The following SYN3 variants were observed in gnomAD, a reference collection of about 807,000 sequenced individuals.
SYN3 encodes the protein synapsin-3.
Under a neutral mutation model 65.8 loss-of-function variants are expected in SYN3, and 35 were observed. That is an observed-to-expected ratio of 0.53 (90% CI 0.41 to 0.70). SYN3 has a LOEUF of 0.70. Among genes scored for constraint, SYN3 ranks in the 30% least tolerant of loss-of-function variants. The probability of loss-of-function intolerance (pLI) is 0.00; values close to 1 mark genes in which losing one functional copy is unlikely to be tolerated. For missense variants in SYN3, 680 were observed against 749.0 expected, an observed-to-expected ratio of 0.91 and a Z score of 1.08; for synonymous variants, 270 against 292.9, an observed-to-expected ratio of 0.92 and a Z score of 0.80.
At chr22:32,872,359 G>A (rs995512312) in intron 4 of SYN3, among the ~76,000 whole-genome samples, 3 of 152,150 alleles carry the variant, frequency 2.0e-5, no homozygotes, top group Admixed American at 6.5e-5. Context: ...CTTTCCCTGC[G>A]ATCCTAGAGA....
chr22:32,508,626 C>T lies in SYN3; in HGVS notation c.*5066G>A, dbSNP rs148103083. Among the ~76,000 whole-genome samples, 484 of 152,272 alleles carry T rather than the reference C, an allele frequency of 3.2e-3. 2 individuals carry two copies. Among genetic ancestry groups the T allele is most frequent in the African/African-American group, 0.01 (425 of 41,554 alleles). On this transcript the variant is annotated 3_prime_UTR_variant, in exon 14 of 14. Coordinates refer to ENST00000358763, the MANE Select transcript of SYN3 (RefSeq NM_003490.4). ...ATTGATCTTCTTCCGCTTCTTTTCTCTATCTCATTTTACTGGGTTTTGGTT... is the reference window on the plus strand; with the variant it reads ...ATTGATCTTCTTCCGCTTCTTTTCTTTATCTCATTTTACTGGGTTTTGGTT...
intron 5 of SYN3, among the ~76,000 whole-genome samples, chr22:32,868,218 T>C (rs1036504678): frequency 2.6e-5 from 4 of 152,106 alleles, no homozygotes; most frequent in African/African-American, 7.2e-5. Flanking sequence ...TAAAACAATA[T>C]GGTGCATCTT....
chr22:32,842,691 G>T lies in SYN3; in HGVS notation c.711+22224C>A, dbSNP rs536989520. Among the ~76,000 whole-genome samples the T allele has an allele frequency of 2.6e-5, 4 of 152,272 alleles. No homozygotes were observed. In the South Asian group the frequency reaches 8.3e-4, roughly 32 times the overall value. On this transcript the variant is annotated intron_variant, in intron 6 of 13. Transcript: ENST00000358763. ...ATTAACTTCAAACTTCCTGTGTTGG[G>T]AGAACCCTTAGGGAGCCTGTGGTTT...
intron 6 of SYN3, among the ~76,000 whole-genome samples, chr22:32,691,022 G>C (rs1188160740): frequency 6.6e-6 from 1 of 152,096 alleles, no homozygotes. Context: ...TGAAGAGAGA[G>C]CTTGGGGTGA....
intron 10 of SYN3, among the ~76,000 whole-genome samples, chr22:32,532,109 C>G (rs1189329314): frequency 6.6e-6 from 1 of 152,264 alleles, no homozygotes; most frequent in Non-Finnish European, 1.5e-5. Context: ...CAGGGCAGTC[C>G]GGGAGCTCTA....
intron 7 of SYN3, among the ~76,000 whole-genome samples, chr22:32,554,744 C>A (rs567065336): frequency 2.0e-5 from 3 of 152,194 alleles, no homozygotes; most frequent in African/African-American, 4.8e-5. Flanking sequence ...CTCCCTTGTC[C>A]GGTGTGCTCT....
intron 9 of SYN3, among the ~76,000 whole-genome samples, chr22:32,536,577 C>CA (rs1255887010): frequency 6.6e-6 from 1 of 152,228 alleles, no homozygotes. Context: ...CACAGCGTTG[C>CA]AGTGTCTTGG....
chr22:32,880,261 G>C (rs2049092785), intron 4 of SYN3, among the ~76,000 whole-genome samples: 1 of 152,198 alleles, frequency 6.6e-6, no homozygotes, highest in African/African-American at 2.4e-5. Context: ...ACTTCTCTTG[G>C]GCTGGGTTCC....
chr22:32,513,765 G>A lies in SYN3; in HGVS notation c.1670C>T (p.Pro557Leu). ...STSDTSQRGT[P>L]SEDEAKAETI... ...TTCAGCCTTGGCCTCGTCTTCACTT[G>A]GGGTCCCACGCTGGGAGGTGTCGGA... The change falls in exon 14 of 14, where the codon CCA (proline) becomes CTA (leucine). Residue 557 changes from proline (P) to leucine (L), a missense_variant. By Grantham distance (98) the Pro-to-Leu change is moderately conservative (BLOSUM62 -3). Transcript: ENST00000358763. The A allele has an allele frequency of 6.2e-7, 1 of 1,614,206 alleles. No individual in the cohort carries two copies. Among genetic ancestry groups the A allele is most frequent in the East Asian group, 2.2e-5 (1 of 44,876 alleles).
rs757788339 is a variant in SYN3 at position 33,026,932 on chromosome 22, C to T, written c.-162-20108G>A. Among the ~76,000 whole-genome samples the T allele has an allele frequency of 1.4e-4, 21 of 152,216 alleles. 1 individual carries two copies. Among genetic ancestry groups the T allele is most frequent in the South Asian group, 6.2e-4 (3 of 4,830 alleles). On this transcript the variant is annotated intron_variant, in intron 1 of 13. Transcript: ENST00000358763. The stretch of plus-strand genomic sequence containing the variant: ...AGAAAAGGGCACTTCACCAGAGGCT[C>T]GTTCTTGGGAACTCCGTCTTTCTTC...
intron 6 of SYN3, among the ~76,000 whole-genome samples, chr22:32,599,568 G>T (rs910466727): frequency 6.6e-6 from 1 of 152,020 alleles, no homozygotes; most frequent in South Asian, 2.1e-4. Context: ...TGATCCGCCC[G>T]CCTCAGCCTC....
intron 6 of SYN3, among the ~76,000 whole-genome samples, chr22:32,726,340 A>T (rs981646675): frequency 6.6e-6 from 1 of 152,146 alleles, no homozygotes; most frequent in Non-Finnish European, 1.5e-5. Context: ...ACAGGGTTTC[A>T]CCATGTTGGC....
At chr22:32,680,550 C>G (rs1255904923) in intron 6 of SYN3, among the ~76,000 whole-genome samples, 1 of 152,184 alleles carries the variant, frequency 6.6e-6, no homozygotes, top group Non-Finnish European at 1.5e-5. Flanking sequence ...GTTGCTTGCA[C>G]AGACTGGCCA....
At chr22:32,807,973 GT>G (rs952473625) in intron 6 of SYN3, among the ~76,000 whole-genome samples, 12 of 151,726 alleles carry the variant, frequency 7.9e-5, no homozygotes, top group African/African-American at 1.9e-4. Context: ...CTTACTGAGT[GT>G]TTTTTTTCCT....
At chr22:32,576,024 C>T (rs1378407614) in intron 7 of SYN3, among the ~76,000 whole-genome samples, 4 of 152,058 alleles carry the variant, frequency 2.6e-5, no homozygotes, top group Admixed American at 2.0e-4. Context: ...GATGAGCGGT[C>T]GTGGGATAGG....
chr22:32,574,382 G>A (rs2058823294), intron 7 of SYN3, among the ~76,000 whole-genome samples: 1 of 152,132 alleles, frequency 6.6e-6, no homozygotes, highest in Non-Finnish European at 1.5e-5. Flanking sequence ...GGGTGGCTGA[G>A]GTGGGAGGAT....
intron 3 of SYN3, among the ~76,000 whole-genome samples, chr22:32,940,029 T>C (rs536054676): frequency 1.3e-5 from 2 of 152,306 alleles, no homozygotes; most frequent in South Asian, 4.1e-4. Context: ...GTCAAAGTTT[T>C]TAATTTTAGC....
chr22:32,814,164 G>GAA (rs1569244904), intron 6 of SYN3, among the ~76,000 whole-genome samples: 10 of 121,912 alleles, frequency 8.2e-5, no homozygotes, highest in Non-Finnish European at 1.7e-4. Flanking sequence ...GAGAGAGAGA[G>GAA]AGAAAGAGAA....
chr22:32,814,983 A>G (rs1347865629), intron 6 of SYN3, among the ~76,000 whole-genome samples: 1 of 152,232 alleles, frequency 6.6e-6, no homozygotes, highest in Non-Finnish European at 1.5e-5. Flanking sequence ...ACACTTATTA[A>G]TAAGATCTTA....
Sources: gnomAD v4.1 joint callset for allele counts (sites outside exome capture counted in the v4.1 genomes callset) on GRCh38, gnomAD v4.1.1 for gene constraint, MANE v1.5 for transcripts, NCBI Gene and HGNC (gene_info 2026-07-23, HGNC 2026-07-21) for gene names.